The following PRKAR1A variants were observed in gnomAD, a reference collection of about 807,000 sequenced individuals.
PRKAR1A encodes the protein protein kinase cAMP-dependent type I regulatory subunit alpha, also known as cAMP-dependent protein kinase type I-alpha regulatory subunit.
PRKAR1A carries 3 observed loss-of-function variants against 52.0 expected under a neutral mutation model. The observed-to-expected ratio is 0.06, with a 90% CI of 0.03 to 0.15. The LOEUF is 0.15. Ranked by LOEUF, PRKAR1A falls within the 10% of genes least tolerant of loss-of-function variation. The pLI is 1.00. For synonymous variants in PRKAR1A, 188 were observed against 168.4 expected (o/e 1.12, Z -0.90); for missense variants, 240 against 477.4 (o/e 0.50, Z 4.63).
At chr17:68,515,627 T>A in intron 2 of PRKAR1A, 51 bp downstream of exon 2, 1 of 1,548,708 alleles carries the variant, frequency 6.5e-7, no homozygotes, top group Non-Finnish European at 8.9e-7. Context: ...GTTGTTACAT[T>A]TAATAACTGG....
chr17:68,529,711 C>G (rs1734859729), intron 9 of PRKAR1A, among the ~76,000 whole-genome samples: 1 of 152,224 alleles, frequency 6.6e-6, no homozygotes, highest in African/African-American at 2.4e-5. Context: ...AGTGTGCACC[C>G]TTTAAGCACC....
chr17:68,542,875 C>G, intron 11 of PRKAR1A: 1 of 1,270,990 alleles, frequency 7.9e-7, no homozygotes, highest in Non-Finnish European at 1.1e-6. Context: ...GGGTTTTGTC[C>G]CCCGGCCAGT....
the PRKAR1A span, among the ~76,000 whole-genome samples, chr17:68,483,019 T>C: frequency 1.3e-5 from 2 of 152,198 alleles, no homozygotes; most frequent in African/African-American, 2.4e-5. Flanking sequence ...GTGTCAAACA[T>C]AGGAAATCAT....
chr17:68,481,663 A>T, the PRKAR1A span, among the ~76,000 whole-genome samples: 4 of 152,276 alleles, frequency 2.6e-5, no homozygotes, highest in Non-Finnish European at 5.9e-5. Context: ...GTAGCCAGAC[A>T]TTTTTCTCTT....
chr17:68,433,933 C>A, the PRKAR1A span, among the ~76,000 whole-genome samples: 11 of 151,980 alleles, frequency 7.2e-5, no homozygotes, highest in African/African-American at 2.7e-4. Flanking sequence ...CAGGCACACA[C>A]CACCACACCC....
chr17:68,438,043 G>A, the PRKAR1A span, among the ~76,000 whole-genome samples: 1 of 149,330 alleles, frequency 6.7e-6, no homozygotes, highest in Non-Finnish European at 1.5e-5. Context: ...AAAACTTTAG[G>A]TCAGGCTGAA....
chr17:68,423,137 C>G, the PRKAR1A span, among the ~76,000 whole-genome samples: 10 of 152,164 alleles, frequency 6.6e-5, no homozygotes, highest in African/African-American at 2.4e-4. This position sits in a 1 kb window ranked among gnomAD's most constrained non-coding sequence, Gnocchi z 4.4. Context: ...GCTGAGACTC[C>G]AAGAGCCTTT....
chr17:68,517,300 T>C (rs1182232920), intron 2 of PRKAR1A, among the ~76,000 whole-genome samples: 2 of 152,312 alleles, frequency 1.3e-5, no homozygotes, highest in South Asian at 2.1e-4. Context: ...TGGGTCATAG[T>C]TCTGTGTATT....
At chr17:68,524,616 TTTGAG>T (rs2085725102) in intron 5 of PRKAR1A, among the ~76,000 whole-genome samples, 1 of 152,182 alleles carries the variant, frequency 6.6e-6, no homozygotes, top group Non-Finnish European at 1.5e-5. Flanking sequence ...TTATTAACTA[TTTGAG>T]TTGTTTCTAA....
chr17:68,533,424 A>G lies in PRKAR1A; in HGVS notation c.*2975A>G, dbSNP rs1224056965. On this transcript the variant is annotated 3_prime_UTR_variant, in exon 11 of 11. Coordinates refer to ENST00000589228, the MANE Select transcript of PRKAR1A (RefSeq NM_002734.5). The stretch of plus-strand genomic sequence containing the variant: ...TTTAGAGTCACAATAAAATGTAACT[A>G]AAGAAAATTTCTCTGGGTTGACAGT... 21 of 1,056,438 alleles carry G rather than the reference A, an allele frequency of 2.0e-5. No individual in the cohort carries two copies. The highest frequency in any genetic ancestry group is 2.2e-5 in the Non-Finnish European group (19 of 873,594). The allele number at this position is 1,056,438 out of a possible 1,614,324, so 65.4% of individuals were successfully genotyped here. A position where few individuals can be genotyped will look rare whatever the true frequency, so the allele number is the denominator to read the frequency against.
chr17:68,541,828 A>G, intron 11 of PRKAR1A: 1 of 853,382 alleles, frequency 1.2e-6, no homozygotes, highest in Non-Finnish European at 1.8e-6. Context: ...AGGGGAGAAC[A>G]GACCCAGGCC....
chr17:68,439,521 G>A, the PRKAR1A span, among the ~76,000 whole-genome samples: 7 of 152,120 alleles, frequency 4.6e-5, no homozygotes, highest in East Asian at 3.9e-4. Context: ...GGTTTGGGGC[G>A]ATGAAAATGC....
the PRKAR1A span, among the ~76,000 whole-genome samples, chr17:68,487,891 T>A: frequency 6.6e-6 from 1 of 151,222 alleles, no homozygotes; most frequent in Non-Finnish European, 1.5e-5. Context: ...GTTCTGGGTA[T>A]CAGAGGCATA....
chr17:68,420,435 A>C, the PRKAR1A span: 5 of 1,613,948 alleles, frequency 3.1e-6, no homozygotes, highest in Non-Finnish European at 3.4e-6. Flanking sequence ...AATCCCTACC[A>C]AATTGCCTGC....
At chr17:68,529,669 A>G (rs1212357873) in intron 9 of PRKAR1A, among the ~76,000 whole-genome samples, 1 of 152,234 alleles carries the variant, frequency 6.6e-6, no homozygotes, top group Non-Finnish European at 1.5e-5. Flanking sequence ...GTGAGCTTGG[A>G]TTTAGCCCTT....
In PRKAR1A at chr17:68,523,733, A is replaced by G. The variant is rs779193269; in HGVS notation, c.357A>G (p.Pro119=). Residue 119 remains proline, a synonymous_variant, in exon 4 of 11, where the codon CCA becomes CCG. Transcript: ENST00000589228. Reference sequence around the variant, plus strand: ...CTTCAGTTCTTTTCTAGGTTATACCAAAAGATTACAAGACAATGGCCGCTT... The same window carrying G: ...CTTCAGTTCTTTTCTAGGTTATACCGAAAGATTACAAGACAATGGCCGCTT... ...DAASYVRKVI[P]KDYKTMAALA... is the part of the protein sequence containing the mutation. 3.1e-6 allele frequency: 5 copies of G among 1,613,122 alleles called. No individual in the cohort carries two copies. In the South Asian group the frequency reaches 3.3e-5, roughly 11 times the overall value.
the PRKAR1A span, among the ~76,000 whole-genome samples, chr17:68,506,225 A>T: frequency 6.8e-6 from 1 of 146,924 alleles, no homozygotes; most frequent in Non-Finnish European, 1.5e-5. Flanking sequence ...ACCATCTTCC[A>T]TCTTATCCTT....
chr17:68,424,391 C>T, the PRKAR1A span: 1 of 529,450 alleles, frequency 1.9e-6, no homozygotes. Context: ...AATGTGCTCA[C>T]TAGAGGGTTC....
chr17:68,436,765 G>A, the PRKAR1A span, among the ~76,000 whole-genome samples: 1 of 152,150 alleles, frequency 6.6e-6, no homozygotes, highest in African/African-American at 2.4e-5. Flanking sequence ...AGCACTTTGA[G>A]GCGGGCGGAT....
Sources: gnomAD v4.1 joint callset for allele counts (sites outside exome capture counted in the v4.1 genomes callset) on GRCh38, gnomAD v4.1.1 for gene constraint, Gnocchi (gnomAD v3.1) non-coding constraint, MANE v1.5 for transcripts, NCBI Gene and HGNC (gene_info 2026-07-23, HGNC 2026-07-21) for gene names.